The following CDH8 variants were observed in gnomAD, a reference collection of about 807,000 sequenced individuals.
CDH8 encodes the protein cadherin-8.
Under a neutral mutation model 68.1 loss-of-function variants are expected in CDH8, and 17 were observed. The ratio of observed to expected loss-of-function variants is 0.25; its 90% CI spans 0.17 to 0.37. CDH8 has a LOEUF of 0.37. CDH8 is among the 10% of genes least tolerant of loss of function. The pLI, the probability that CDH8 is intolerant of heterozygous loss-of-function variation, is 1.00. For missense variants in CDH8, 763 were observed against 999.3 expected (o/e 0.76, Z 3.19); for synonymous variants, 372 against 365.1 (o/e 1.02, Z -0.21).
intron 8 of CDH8, among the ~76,000 whole-genome samples, chr16:61,781,044 T>C (rs1176818724): frequency 1.3e-5 from 2 of 152,248 alleles, no homozygotes; most frequent in Non-Finnish European, 2.9e-5. Flanking sequence ...TCAGCTTGTT[T>C]CTTGGCCAAA....
At chr16:61,979,560 G>A (rs1965496191) in intron 2 of CDH8, among the ~76,000 whole-genome samples, 1 of 151,952 alleles carries the variant, frequency 6.6e-6, no homozygotes, top group Admixed American at 6.6e-5. Context: ...TCAACCAAAT[G>A]TAATAGGCAC....
chr16:61,967,926 G>A (rs1022390370), intron 2 of CDH8, among the ~76,000 whole-genome samples: 9 of 151,968 alleles, frequency 5.9e-5, no homozygotes, highest in African/African-American at 1.9e-4. Context: ...CTCCTGCCTC[G>A]GCCTCCCTAG....
intron 2 of CDH8, among the ~76,000 whole-genome samples, chr16:61,977,800 A>G (rs1965464344): frequency 6.6e-6 from 1 of 152,172 alleles, no homozygotes; most frequent in Non-Finnish European, 1.5e-5. Flanking sequence ...ACCATGGAGA[A>G]ATTGTATTTA....
chr16:61,698,776 T>G (rs1596877570), intron 10 of CDH8, among the ~76,000 whole-genome samples: 1 of 152,210 alleles, frequency 6.6e-6, no homozygotes, highest in African/African-American at 2.4e-5. Flanking sequence ...CAAGGACTTA[T>G]GACTTCTCCG....
intron 2 of CDH8, among the ~76,000 whole-genome samples, chr16:61,997,466 T>G (rs1015008901): frequency 4.6e-5 from 7 of 152,202 alleles, no homozygotes; most frequent in African/African-American, 1.4e-4. Context: ...ATCATGGACT[T>G]CCTTACAGTA....
At chr16:61,760,932 CATAA>C (rs112348121) in intron 8 of CDH8, among the ~76,000 whole-genome samples, 9 of 152,174 alleles carry the variant, frequency 5.9e-5, no homozygotes, top group African/African-American at 2.2e-4. Flanking sequence ...AGAGGGAAGA[CATAA>C]ACAATGAATT....
chr16:61,680,916 C>G (rs372678926), intron 10 of CDH8, among the ~76,000 whole-genome samples: 1 of 151,848 alleles, frequency 6.6e-6, no homozygotes, highest in Admixed American at 6.6e-5. Flanking sequence ...GGGCAAAGGG[C>G]ATTAGAAATT....
At chr16:61,701,250 C>T (rs1218264690) in intron 10 of CDH8, among the ~76,000 whole-genome samples, 1 of 152,102 alleles carries the variant, frequency 6.6e-6, no homozygotes, top group Non-Finnish European at 1.5e-5. Flanking sequence ...ATAAAATCCC[C>T]AGAGATATTC....
At chr16:61,941,626 G>T (rs2143539617) in intron 2 of CDH8, among the ~76,000 whole-genome samples, 1 of 152,270 alleles carries the variant, frequency 6.6e-6, no homozygotes, top group East Asian at 1.9e-4. Flanking sequence ...ACTTTTAGTA[G>T]AGACAGGGTT....
chr16:61,886,828 G>A (rs1009529051), intron 3 of CDH8, among the ~76,000 whole-genome samples: 2 of 152,160 alleles, frequency 1.3e-5, no homozygotes, highest in East Asian at 3.9e-4. Context: ...ACCTGCGGTT[G>A]AGACTAATTC....
chr16:61,904,888 T>C (rs1964037491), intron 2 of CDH8, among the ~76,000 whole-genome samples: 1 of 152,234 alleles, frequency 6.6e-6, no homozygotes, highest in African/African-American at 2.4e-5. Flanking sequence ...CCTGTCAACA[T>C]ATCCACCCAG....
intron 3 of CDH8, among the ~76,000 whole-genome samples, chr16:61,894,574 A>T (rs1963838210): frequency 6.6e-6 from 1 of 152,180 alleles, no homozygotes; most frequent in South Asian, 2.1e-4. Context: ...TTCAGAAACA[A>T]TACATTTGTA....
intron 8 of CDH8, among the ~76,000 whole-genome samples, chr16:61,788,801 T>C (rs1455137241): frequency 6.6e-6 from 1 of 152,054 alleles, no homozygotes; most frequent in Non-Finnish European, 1.5e-5. Context: ...TGAATTGATA[T>C]TGATATAATT....
intron 10 of CDH8, among the ~76,000 whole-genome samples, chr16:61,662,087 G>GTTTTTTTTTTTTTTTTTTTTTTTT: frequency 1.1e-5 from 1 of 92,790 alleles, no homozygotes; most frequent in Non-Finnish European, 2.2e-5. Context: ...TTTTACTTTA[G>GTTTTTTTTTTTTTTTTTTTTTTTT]TTTTTTTTTT....
intron 10 of CDH8, chr16:61,692,633 CCT>C (rs1287707606): frequency 2.6e-5 from 4 of 151,460 alleles, no homozygotes; most frequent in Admixed American, 2.6e-4. Flanking sequence ...TGAGATTTCC[CCT>C]GTCATAACAG....
intron 8 of CDH8, among the ~76,000 whole-genome samples, chr16:61,780,071 A>G (rs988057731): frequency 5.9e-5 from 9 of 152,228 alleles, no homozygotes; most frequent in African/African-American, 2.2e-4. Context: ...TGCCTGGAAA[A>G]TGCTTATAAT....
intron 2 of CDH8, among the ~76,000 whole-genome samples, chr16:61,966,541 TA>T (rs1001165470): frequency 4.2e-4 from 59 of 141,838 alleles, no homozygotes; most frequent in Non-Finnish European, 5.4e-4. Context: ...CATCTCAAAA[TA>T]AAAAAAAAAG....
intron 4 of CDH8, among the ~76,000 whole-genome samples, chr16:61,829,330 C>T (rs1962408036): frequency 6.6e-6 from 1 of 151,786 alleles, no homozygotes; most frequent in South Asian, 2.1e-4. Context: ...TCTTCCATGA[C>T]GGTCTCTCTT....
At chr16:61,835,344 G>T (rs993588195) in intron 4 of CDH8, among the ~76,000 whole-genome samples, 3 of 151,846 alleles carry the variant, frequency 2.0e-5, no homozygotes, top group Non-Finnish European at 4.4e-5. Flanking sequence ...TTATCCCACT[G>T]TGTAGATCAC....
Sources: allele counts gnomAD v4.1 joint callset (sites outside exome capture counted in the v4.1 genomes callset), GRCh38; gene constraint gnomAD v4.1.1; transcripts MANE v1.5; gene names NCBI Gene and HGNC (gene_info 2026-07-23, HGNC 2026-07-21).